The following ADRA1B variants were observed in gnomAD, a reference collection of about 807,000 sequenced individuals.
The protein encoded by ADRA1B is alpha-1B adrenergic receptor.
A neutral mutation model predicts 17.9 loss-of-function variants in ADRA1B; 17 were observed. The observed-to-expected ratio is 0.95, with a 90% CI of 0.65 to 1.42. The LOEUF is 1.42. Among genes scored for constraint, ADRA1B ranks in the 40% most tolerant of loss-of-function variants. ADRA1B has a pLI of 0.00. For missense variants in ADRA1B, 681 were observed against 722.1 expected (o/e 0.94, Z 0.65); for synonymous variants, 366 against 327.6 (o/e 1.12, Z -1.27).
At chr5:159,897,952 G>C (rs956382896) in intron 1 of ADRA1B, among the ~76,000 whole-genome samples, 3 of 152,310 alleles carry the variant, frequency 2.0e-5, no homozygotes, top group Non-Finnish European at 2.9e-5. Context: ...GATGACAGAG[G>C]GCTCGGGGCT....
chr5:159,970,973 G>T (rs1755854569), intron 1 of ADRA1B, among the ~76,000 whole-genome samples: 1 of 152,048 alleles, frequency 6.6e-6, no homozygotes, highest in South Asian at 2.1e-4. Context: ...CCTGGTTAAT[G>T]CTTTCTTTTG....
At position 159,916,814 on chromosome 5, in the gene ADRA1B, G is replaced by A. The variant is rs376781254; in HGVS notation, c.-92G>A. The stretch of plus-strand genomic sequence containing the variant: ...AGGGCGCCTCTGGGAAGAAGACCAC[G>A]GGGGAAGCAAAGTTTCAGGGCAGCT... On this transcript the variant is annotated 5_prime_UTR_variant, in exon 1 of 2. Coordinates refer to ENST00000306675, the MANE Select transcript of ADRA1B (RefSeq NM_000679.4). 3 of 1,326,534 alleles carry A rather than the reference G, an allele frequency of 2.3e-6. No individual in the cohort carries two copies. The highest frequency in any genetic ancestry group is 3.1e-6 in the Non-Finnish European group (3 of 972,696). 82.2% of individuals were successfully genotyped at this position (1,326,534 alleles called of 1,614,324 possible).
intron 1 of ADRA1B, among the ~76,000 whole-genome samples, chr5:159,944,242 A>G (rs981865900): frequency 1.3e-5 from 2 of 152,116 alleles, no homozygotes; most frequent in African/African-American, 4.8e-5. Flanking sequence ...CACAGTGGAG[A>G]GCCGTGGCTA....
Position 159,890,539 on chromosome 5 carries a change from T to C in ADRA1B, c.-256+25333T>C, listed in dbSNP as rs1037173259. Among the ~76,000 whole-genome samples, 24 of 152,164 alleles carry C rather than the reference T, an allele frequency of 1.6e-4. 1 individual carries two copies. Among genetic ancestry groups the C allele is most frequent in the African/African-American group, 5.6e-4 (23 of 41,430 alleles). ...TGTTCAGGCATCTCAGTAAGAAAAT[T>C]CAAAGGCTGAAGGCTGCACTCACTT... On this transcript the variant is annotated intron_variant, in intron 1 of 2. Transcript: ENST00000641205.
intron 1 of ADRA1B, among the ~76,000 whole-genome samples, chr5:159,919,527 G>A (rs1454581555): frequency 6.6e-6 from 1 of 152,212 alleles, no homozygotes; most frequent in Non-Finnish European, 1.5e-5. Flanking sequence ...TAATGTATAG[G>A]AAGGACTTAG....
chr5:159,926,892 TATTAA>T (rs201325586), intron 1 of ADRA1B, among the ~76,000 whole-genome samples: 1,986 of 152,050 alleles, frequency 0.013, 27 homozygotes, highest in Middle Eastern at 0.027. Context: ...GTCTCAAAAA[TATTAA>T]ATTAAATTAA....
At chr5:159,939,968 T>C (rs1755080854) in intron 1 of ADRA1B, among the ~76,000 whole-genome samples, 1 of 152,194 alleles carries the variant, frequency 6.6e-6, no homozygotes, top group African/African-American at 2.4e-5. Flanking sequence ...ATCAGAGCCT[T>C]GTCACACTGG....
chr5:159,981,741 C>T, the ADRA1B span, among the ~76,000 whole-genome samples: 1 of 152,260 alleles, frequency 6.6e-6, no homozygotes, highest in East Asian at 1.9e-4. Flanking sequence ...TGTGATCCGC[C>T]CGCCTCGGCC....
chr5:159,921,658 C>A (rs77392734), intron 1 of ADRA1B, among the ~76,000 whole-genome samples: 4,000 of 152,276 alleles, frequency 0.026, 80 homozygotes, highest in Non-Finnish European at 0.036. Context: ...TGCTGGAAGG[C>A]ACCAGGAAGC....
intron 1 of ADRA1B, among the ~76,000 whole-genome samples, chr5:159,928,169 G>T (rs1754712065): frequency 6.6e-6 from 1 of 152,128 alleles, no homozygotes; most frequent in African/African-American, 2.4e-5. Context: ...AGAAGAGTGG[G>T]CTGAAATAAG....
intron 1 of ADRA1B, among the ~76,000 whole-genome samples, chr5:159,921,631 T>C (rs1754484261): frequency 6.6e-6 from 1 of 152,220 alleles, no homozygotes; most frequent in African/African-American, 2.4e-5. Flanking sequence ...TCCAAATCTT[T>C]CTTCTGTCTT....
intron 1 of ADRA1B, among the ~76,000 whole-genome samples, chr5:159,899,235 G>A (rs937018460): frequency 7.0e-6 from 1 of 142,718 alleles, no homozygotes; most frequent in African/African-American, 2.6e-5. Context: ...AGGGAAGGAG[G>A]GAGGGAGGAA....
chr5:159,901,779 A>T (rs747580542), intron 1 of ADRA1B, among the ~76,000 whole-genome samples: 3 of 152,210 alleles, frequency 2.0e-5, no homozygotes, highest in Non-Finnish European at 2.9e-5. Flanking sequence ...TAATCATCAG[A>T]AAAACTCAAA....
At chr5:159,929,968 G>A (rs185096870) in intron 1 of ADRA1B, among the ~76,000 whole-genome samples, 3 of 152,200 alleles carry the variant, frequency 2.0e-5, no homozygotes, top group Admixed American at 2.0e-4. Context: ...TTTGATTCGT[G>A]GTGTCATTTT....
At chr5:159,953,426 A>C (rs1197163849) in intron 1 of ADRA1B, among the ~76,000 whole-genome samples, 1 of 152,092 alleles carries the variant, frequency 6.6e-6, no homozygotes. Context: ...AACTATCCCC[A>C]CCACACATCT....
chr5:159,899,151 G>A (rs10078716), intron 1 of ADRA1B, among the ~76,000 whole-genome samples: 5 of 149,996 alleles, frequency 3.3e-5, no homozygotes, highest in African/African-American at 7.4e-5. Flanking sequence ...TGTCAGGAAG[G>A]AAGGAAGGAA....
At chr5:159,886,807 C>A (rs1188329541) in intron 1 of ADRA1B, among the ~76,000 whole-genome samples, 1 of 151,738 alleles carries the variant, frequency 6.6e-6, no homozygotes, top group Non-Finnish European at 1.5e-5. Flanking sequence ...TACTCGCCAG[C>A]TGATGAAAAA....
intron 1 of ADRA1B, among the ~76,000 whole-genome samples, chr5:159,876,274 A>G (rs1362274334): frequency 6.6e-6 from 1 of 152,250 alleles, no homozygotes; most frequent in Non-Finnish European, 1.5e-5. Flanking sequence ...TTGTGGCTCA[A>G]CAATGTCAAG....
At chr5:159,953,989 G>T (rs1453434854) in intron 1 of ADRA1B, among the ~76,000 whole-genome samples, 1 of 152,096 alleles carries the variant, frequency 6.6e-6, no homozygotes, top group East Asian at 1.9e-4. Flanking sequence ...CACCAAAGCT[G>T]CCAGGAGACA....
Sources: gnomAD v4.1 joint callset for allele counts (sites outside exome capture counted in the v4.1 genomes callset) on GRCh38, gnomAD v4.1.1 for gene constraint, MANE v1.5 for transcripts, NCBI Gene and HGNC (gene_info 2026-07-23, HGNC 2026-07-21) for gene names.